TPST1: variants seen among roughly 807,000 people sequenced by gnomAD.
The protein encoded by TPST1 is tyrosylprotein sulfotransferase 1, also known as protein-tyrosine sulfotransferase 1.
TPST1 carries 20 observed loss-of-function variants against 34.8 expected under a neutral mutation model. The ratio of observed to expected loss-of-function variants is 0.57; its 90% confidence interval spans 0.40 to 0.84. The LOEUF is 0.84. TPST1 is among the 40% of genes least tolerant of loss of function. The pLI, the probability that TPST1 is intolerant of heterozygous loss-of-function variation, is 0.00. For synonymous variants in TPST1, 152 were observed against 159.4 expected (o/e 0.95, Z 0.35); for missense variants, 353 against 455.5 (o/e 0.78, Z 2.05).
chr7:66,339,216 A>G (rs1009745738), intron 3 of TPST1, among the ~76,000 whole-genome samples: 10 of 152,168 alleles, frequency 6.6e-5, no homozygotes, highest in East Asian at 3.8e-4. Flanking sequence ...AGAGACTACT[A>G]TGAACAACTA....
At chr7:66,239,245 A>T (rs147517980) in intron 1 of TPST1, among the ~76,000 whole-genome samples, 7 of 152,204 alleles carry the variant, frequency 4.6e-5, no homozygotes, top group African/African-American at 1.4e-4. Flanking sequence ...TCTCCCAAAG[A>T]GCTGTGATTA....
chr7:66,317,658 G>A (rs1449970178), intron 3 of TPST1, among the ~76,000 whole-genome samples: 1 of 150,930 alleles, frequency 6.6e-6, no homozygotes, highest in Admixed American at 6.6e-5. Flanking sequence ...TACCTATGTT[G>A]TTTTTCTAGG....
intron 2 of TPST1, among the ~76,000 whole-genome samples, chr7:66,244,256 A>G (rs751036120): frequency 1.2e-4 from 19 of 152,082 alleles, no homozygotes; most frequent in Admixed American, 2.0e-4. Flanking sequence ...CCTGGCCGAA[A>G]ATTGTTTAAA....
At chr7:66,318,692 C>T (rs550456240) in intron 3 of TPST1, among the ~76,000 whole-genome samples, 1 of 152,232 alleles carries the variant, frequency 6.6e-6, no homozygotes, top group South Asian at 2.1e-4. Context: ...GTCTCGATCT[C>T]CTGACCATGT....
At chr7:66,297,389 A>C (rs143611559) in intron 3 of TPST1, among the ~76,000 whole-genome samples, 191 of 152,272 alleles carry the variant, frequency 1.3e-3, no homozygotes, top group South Asian at 5.6e-3. Context: ...TGTTCATTAA[A>C]CTGAGCAGGA....
chr7:66,234,466 C>G (rs1789869516), intron 1 of TPST1, among the ~76,000 whole-genome samples: 1 of 147,626 alleles, frequency 6.8e-6, no homozygotes, highest in Non-Finnish European at 1.5e-5. Flanking sequence ...ATAGGACAAG[C>G]ATTTAATGTT....
intron 4 of TPST1, among the ~76,000 whole-genome samples, chr7:66,354,345 C>T (rs1193406232): frequency 6.6e-6 from 1 of 151,998 alleles, no homozygotes; most frequent in Non-Finnish European, 1.5e-5. Flanking sequence ...GTGGTTCACG[C>T]CTGTAATCCC....
chr7:66,300,357 G>A (rs1246486592), intron 3 of TPST1, among the ~76,000 whole-genome samples: 1 of 152,130 alleles, frequency 6.6e-6, no homozygotes, highest in Non-Finnish European at 1.5e-5. Context: ...TAAGATTGTA[G>A]CAATTCAACC....
chr7:66,347,393 A>T (rs1468848120), intron 3 of TPST1, among the ~76,000 whole-genome samples: 1 of 152,016 alleles, frequency 6.6e-6, no homozygotes, highest in Non-Finnish European at 1.5e-5. Flanking sequence ...TCTACTACAT[A>T]TGGATATCCA....
intron 1 of TPST1, among the ~76,000 whole-genome samples, chr7:66,229,135 C>T (rs1300177798): frequency 3.4e-5 from 5 of 146,094 alleles, no homozygotes; most frequent in African/African-American, 7.7e-5. Context: ...TTTTCTGAGA[C>T]AGTCTCGCTC....
At chr7:66,221,542 A>T (rs553719513) in intron 1 of TPST1, 83 of 152,338 alleles carry the variant, frequency 5.4e-4, no homozygotes, top group African/African-American at 1.9e-3. Context: ...ATTGTCCCTT[A>T]GCCTTTAAAT....
chr7:66,225,159 C>G (rs550257040), intron 1 of TPST1, among the ~76,000 whole-genome samples: 1 of 150,914 alleles, frequency 6.6e-6, no homozygotes, highest in African/African-American at 2.4e-5. Context: ...TCAGGTGATC[C>G]GCCTGCCTTG....
upstream of TPST1, among the ~76,000 whole-genome samples, chr7:66,203,055 G>A (rs370951855): frequency 1.6e-4 from 24 of 152,128 alleles, no homozygotes; most frequent in East Asian, 1.7e-3. Context: ...ACTCCAGCCT[G>A]GGCAACAAGA....
chr7:66,217,013 G>T (rs1485185754), intron 1 of TPST1, among the ~76,000 whole-genome samples: 5 of 151,434 alleles, frequency 3.3e-5, no homozygotes, highest in African/African-American at 1.2e-4. Flanking sequence ...CTTTTTTTTT[G>T]GTTATTGTTT....
intron 3 of TPST1, among the ~76,000 whole-genome samples, chr7:66,351,443 T>C (rs537472697): frequency 8.5e-5 from 13 of 152,336 alleles, no homozygotes; most frequent in African/African-American, 3.1e-4. Flanking sequence ...TATATTTATC[T>C]ATCCTTGTGC....
At chr7:66,238,404 C>A (rs1440985818) in intron 1 of TPST1, among the ~76,000 whole-genome samples, 1 of 143,346 alleles carries the variant, frequency 7.0e-6, no homozygotes. Context: ...TATAACAGCA[C>A]TGGCTTTTTT....
intron 3 of TPST1, among the ~76,000 whole-genome samples, chr7:66,347,059 C>CTTTTTTTTTTTTTTTTTTT (rs71051352): frequency 3.3e-5 from 2 of 59,960 alleles, no homozygotes; most frequent in Non-Finnish European, 5.8e-5. Flanking sequence ...CTTTGCTTTT[C>CTTTTTTTTTTTTTTTTTTT]TTTTTTTTTT....
At chr7:66,258,345 A>G (rs1400390857) in intron 2 of TPST1, among the ~76,000 whole-genome samples, 5 of 152,180 alleles carry the variant, frequency 3.3e-5, no homozygotes, top group African/African-American at 1.2e-4. Context: ...CTAAACCACA[A>G]GTTTTCTCAC....
chr7:66,213,580 C>G (rs1789311756), intron 1 of TPST1, among the ~76,000 whole-genome samples: 1 of 152,034 alleles, frequency 6.6e-6, no homozygotes. Flanking sequence ...ACGGTGAAAC[C>G]TCGTCTCTAC....
Sources: gnomAD v4.1 joint callset for allele counts (sites outside exome capture counted in the v4.1 genomes callset) on GRCh38, gnomAD v4.1.1 for gene constraint, MANE v1.5 for transcripts, NCBI Gene and HGNC (gene_info 2026-07-23, HGNC 2026-07-21) for gene names.